The following DMD variants were observed in gnomAD, a reference collection of about 807,000 sequenced individuals.
The protein encoded by DMD is dystrophin.
A neutral mutation model predicts 330.1 loss-of-function variants in DMD; 63 were observed. That is an observed-to-expected ratio of 0.19 (90% CI 0.16 to 0.24). The LOEUF is 0.24. Among genes scored for constraint, DMD ranks in the 10% least tolerant of loss-of-function variants. DMD has a pLI of 1.00. For synonymous variants in DMD, 1,223 were observed against 959.8 expected (o/e 1.27, Z -5.07); for missense variants, 3,344 against 2,684.1 (o/e 1.25, Z -5.43).
intron 43 of DMD, among the ~76,000 whole-genome samples, chrX:32,251,690 C>T (rs961574322): frequency 2.7e-5 from 3 of 111,761 alleles, no homozygotes; most frequent in Non-Finnish European, 5.6e-5. Context: ...CACTACCTTG[C>T]TGGGTGAGGT....
intron 50 of DMD, among the ~76,000 whole-genome samples, chrX:31,782,572 A>G (rs2091073920): frequency 9.1e-6 from 1 of 110,448 alleles, no homozygotes; most frequent in South Asian, 3.9e-4. Context: ...CCAAGCCCCA[A>G]GCAGAATCAA....
At chrX:31,639,944 T>C (rs2079634993) in intron 54 of DMD, among the ~76,000 whole-genome samples, 1 of 111,206 alleles carries the variant, frequency 9.0e-6, no homozygotes, top group Admixed American at 9.6e-5. Flanking sequence ...TTTATTATAC[T>C]GAAAATTAAT....
intron 55 of DMD, among the ~76,000 whole-genome samples, chrX:31,624,285 G>A (rs1386074411): frequency 9.0e-6 from 1 of 111,598 alleles, no homozygotes; most frequent in Admixed American, 9.5e-5. Context: ...GTACAAGGAC[G>A]ACGGTAAAGT....
At chrX:32,229,888 T>C (rs1300595400) in intron 43 of DMD, among the ~76,000 whole-genome samples, 5 of 106,259 alleles carry the variant, frequency 4.7e-5, no homozygotes, top group Non-Finnish European at 9.7e-5. Flanking sequence ...ATTTTAAGTG[T>C]CCGAAACAGC....
chrX:32,591,747 G>A (rs2054935528), intron 13 of DMD, among the ~76,000 whole-genome samples: 1 of 112,684 alleles, frequency 8.9e-6, no homozygotes, highest in East Asian at 2.8e-4. Flanking sequence ...GGAGCCCCAT[G>A]CTTCCAGGTG....
rs764921358 is a variant in DMD at position 31,121,860 on chromosome X, GACTGAT to G, written c.*53_*58del. 3.3e-6 allele frequency: 4 copies of G among 1,203,134 alleles called. No homozygotes were observed. Among genetic ancestry groups the G allele is most frequent in the Non-Finnish European group, 4.5e-6 (4 of 888,904 alleles). On this transcript the variant is annotated 3_prime_UTR_variant, in exon 79 of 79. Transcript: ENST00000357033. ...ATTCTGCTCCTTCTTCATCTGTCAT[GACTGAT>G]ACTAAGGACTCCATCGCTCTGCCCA... is the stretch of plus-strand genomic sequence containing the variant.
At chrX:31,197,313 T>A (rs1164891311) in intron 67 of DMD, among the ~76,000 whole-genome samples, 1 of 112,044 alleles carries the variant, frequency 8.9e-6, no homozygotes, top group African/African-American at 3.2e-5. Context: ...TTCTCATTTA[T>A]GTGTTACTGA....
At chrX:31,376,028 G>C (rs2095928087) in intron 60 of DMD, among the ~76,000 whole-genome samples, 1 of 111,308 alleles carries the variant, frequency 9.0e-6, no homozygotes, top group African/African-American at 3.3e-5. Flanking sequence ...TGCCTCCTCT[G>C]ACACCCTGGA....
At chrX:32,461,287 A>T (rs950216705) in intron 25 of DMD, among the ~76,000 whole-genome samples, 9 of 111,558 alleles carry the variant, frequency 8.1e-5, no homozygotes, top group African/African-American at 2.9e-4. Flanking sequence ...CAATATTCAC[A>T]TATGGCTTCC....
At chrX:32,528,675 ACTCTACAGC>A (rs1274339249) in intron 17 of DMD, among the ~76,000 whole-genome samples, 2 of 110,598 alleles carry the variant, frequency 1.8e-5, no homozygotes, top group African/African-American at 6.6e-5. Context: ...GATAAGAAGC[ACTCTACAGC>A]CTCTTCTCTC....
At chrX:32,394,926 A>AAAAAAAAAAAAAAAAAAAAAAAAAAAC (rs2098032735) in intron 30 of DMD, among the ~76,000 whole-genome samples, 1 of 101,392 alleles carries the variant, frequency 9.9e-6, no homozygotes, top group African/African-American at 3.5e-5. Flanking sequence ...CAAAAAAAAA[A>AAAAAAAAAAAAAAAAAAAAAAAAAAAC]AAAAAAAGAA....
chrX:32,718,265 TA>T (rs1316091400), intron 7 of DMD, among the ~76,000 whole-genome samples: 10 of 111,119 alleles, frequency 9.0e-5, no homozygotes, highest in African/African-American at 3.0e-4. Context: ...GACTGAATCA[TA>T]GGGGCAGATT....
Position 31,555,814 on chromosome X carries a change from TCA to T in DMD, c.8218-48363_8218-48362del, listed in dbSNP as rs779909652. On this transcript the variant is annotated intron_variant, in intron 55 of 78. Transcript: ENST00000357033. ...CTGCAGAATTCAAGTACTCTAATCT[TCA>T]CAGTCTGCTTACACTCTATTCTAAG... 7.1e-5 allele frequency among the ~76,000 whole-genome samples: 8 copies of T among 112,143 alleles called. 1 individual carries two copies. Among genetic ancestry groups the T allele is most frequent in the Non-Finnish European group, 7.5e-5 (4 of 53,270 alleles).
intron 64 of DMD, among the ~76,000 whole-genome samples, chrX:31,221,437 C>G (rs2046020517): frequency 8.9e-6 from 1 of 112,200 alleles, no homozygotes; most frequent in South Asian, 3.7e-4. Context: ...AGCACATGCT[C>G]TTCTTTCTGA....
At chrX:31,754,894 G>A (rs777777886) in intron 51 of DMD, among the ~76,000 whole-genome samples, 113 of 111,842 alleles carry the variant, frequency 1.0e-3, no homozygotes, top group African/African-American at 3.7e-3. Flanking sequence ...TGTGGGCTTT[G>A]TGTTTTGTTT....
intron 60 of DMD, among the ~76,000 whole-genome samples, chrX:31,407,336 T>C (rs1239508003): frequency 2.7e-5 from 3 of 110,420 alleles, no homozygotes; most frequent in Non-Finnish European, 5.7e-5. Context: ...AGCTAATTTT[T>C]TGTATTTTTA....
intron 1 of DMD, among the ~76,000 whole-genome samples, chrX:33,235,913 ATTAT>A (rs1419776494): frequency 0.063 from 6,114 of 97,057 alleles, 228 homozygotes; most frequent in African/African-American, 0.12. Context: ...TATTATTATT[ATTAT>A]TTTTTTTTTT....
chrX:32,005,606 AC>A (rs1220051278), intron 44 of DMD, among the ~76,000 whole-genome samples: 1 of 110,895 alleles, frequency 9.0e-6, no homozygotes, highest in Non-Finnish European at 1.9e-5. Flanking sequence ...GCCTGGGGAC[AC>A]CAGAGGAGAA....
chrX:33,013,843 G>A (rs5927127), intron 2 of DMD, among the ~76,000 whole-genome samples: 22,002 of 111,371 alleles, frequency 0.2, 2,075 homozygotes, highest in Non-Finnish European at 0.3. Flanking sequence ...GTGCGCGCAC[G>A]CGCGTGTGTG....
Sources: gnomAD v4.1 joint callset for allele counts (sites outside exome capture counted in the v4.1 genomes callset) on GRCh38, gnomAD v4.1.1 for gene constraint, MANE v1.5 for transcripts, NCBI Gene and HGNC (gene_info 2026-07-23, HGNC 2026-07-21) for gene names.